Variants in FBXL17 observed in about 807,000 individuals in gnomAD.
The protein encoded by FBXL17 is F-box/LRR-repeat protein 17.
In FBXL17, 22 loss-of-function variants were observed where a neutral mutation model predicts 66.2. The ratio of observed to expected loss-of-function variants is 0.33; its 90% confidence interval spans 0.24 to 0.47. The LOEUF is 0.47. FBXL17 is among the 20% of genes least tolerant of loss of function. The pLI, the probability that FBXL17 is intolerant of heterozygous loss-of-function variation, is 1.00. For synonymous variants in FBXL17, 474 were observed against 400.5 expected (o/e 1.18, Z -2.19); for missense variants, 878 against 948.2 (o/e 0.93, Z 0.97).
chr5:107,943,712 T>C (rs1751192867), intron 7 of FBXL17, among the ~76,000 whole-genome samples: 1 of 152,132 alleles, frequency 6.6e-6, no homozygotes, highest in Non-Finnish European at 1.5e-5. Context: ...GCCCACTCCT[T>C]TATGTATTAT....
At chr5:108,183,720 G>A (rs188104224) in intron 6 of FBXL17, among the ~76,000 whole-genome samples, 83 of 152,022 alleles carry the variant, frequency 5.5e-4, no homozygotes, top group Non-Finnish European at 1.2e-4. Flanking sequence ...CGCCCCCTCC[G>A]AGCCTCCTCA....
intron 8 of FBXL17, chr5:107,880,344 G>T: frequency 1.0e-6 from 1 of 981,470 alleles, no homozygotes; most frequent in Non-Finnish European, 1.2e-6. Context: ...CTCCCAATGT[G>T]CTGGGATTAC....
chr5:108,195,634 A>G (rs1029274031), intron 5 of FBXL17, among the ~76,000 whole-genome samples: 2 of 152,190 alleles, frequency 1.3e-5, no homozygotes, highest in African/African-American at 4.8e-5. Flanking sequence ...TGATCACCCA[A>G]GCTTCTGTGT....
chr5:108,381,354 G>C lies in FBXL17; in HGVS notation c.338C>G (p.Ala113Gly). The C allele has an allele frequency of 7.4e-7, 1 of 1,359,954 alleles. No individual in the cohort carries two copies. The highest frequency in any genetic ancestry group is 9.4e-7 in the Non-Finnish European group (1 of 1,064,192). 84.2% of individuals were successfully genotyped at this position (1,359,954 alleles called of 1,614,324 possible). Residue 113 changes from alanine (A) to glycine (G), a missense_variant, in exon 1 of 9, where the codon GCC (alanine) becomes GGC (glycine). Transcript: ENST00000542267. The part of the protein sequence containing the change: ...RYAALAAEDC[A>G]AAARRFLLSS... Reference sequence around the variant, plus strand: ...TAGCAGGAAGCGGCGGGCAGCAGCGGCGCAGTCCTCGGCGGCCAGGGCCGC... The same window carrying C: ...TAGCAGGAAGCGGCGGGCAGCAGCGCCGCAGTCCTCGGCGGCCAGGGCCGC...
chr5:108,310,607 C>G (rs1186660499), intron 4 of FBXL17, among the ~76,000 whole-genome samples: 1 of 152,064 alleles, frequency 6.6e-6, no homozygotes, highest in Admixed American at 6.6e-5. Flanking sequence ...TATTTTCAAT[C>G]AGAACTTTGA....
chr5:108,273,805 T>TA (rs1757374385), intron 4 of FBXL17, among the ~76,000 whole-genome samples: 1 of 152,032 alleles, frequency 6.6e-6, no homozygotes, highest in African/African-American at 2.4e-5. Context: ...ATGAATTAAA[T>TA]AGACACATAG....
intron 7 of FBXL17, among the ~76,000 whole-genome samples, chr5:107,909,778 T>C (rs556605346): frequency 1.1e-4 from 16 of 152,204 alleles, no homozygotes; most frequent in African/African-American, 3.9e-4. Flanking sequence ...AGCACAAAGA[T>C]TGAGCCAGGC....
intron 1 of FBXL17, among the ~76,000 whole-genome samples, chr5:108,377,856 T>C (rs1749554087): frequency 6.6e-6 from 1 of 152,218 alleles, no homozygotes; most frequent in African/African-American, 2.4e-5. Context: ...AAGGGCTAAT[T>C]TGTCAGTTAA....
chr5:108,374,574 G>C (rs1248407915), intron 1 of FBXL17, among the ~76,000 whole-genome samples: 1 of 152,134 alleles, frequency 6.6e-6, no homozygotes, highest in Non-Finnish European at 1.5e-5. Context: ...TACTAGAGAG[G>C]CTGAGGTGGG....
At chr5:108,297,587 T>C (rs1330437489) in intron 4 of FBXL17, 1 of 153,534 alleles carries the variant, frequency 6.5e-6, no homozygotes, top group African/African-American at 2.4e-5. Flanking sequence ...CAGAGGGAAA[T>C]AATTTTGGAT....
intron 4 of FBXL17, among the ~76,000 whole-genome samples, chr5:108,344,181 CG>C (rs398050646): frequency 6.6e-6 from 1 of 151,620 alleles, no homozygotes; most frequent in Non-Finnish European, 1.5e-5. Context: ...CCTAGGGGGT[CG>C]GGGGGGAAAG....
In FBXL17 at chr5:108,009,259, T is replaced by TAATATATATATATATATA. The variant is rs1491338610; in HGVS notation, c.1822+11665_1822+11666insTATATATATATATATATT. Among the ~76,000 whole-genome samples the TAATATATATATATATATA allele has an allele frequency of 3.0e-4, 3 of 10,086 alleles. 1 individual carries two copies. Among genetic ancestry groups the TAATATATATATATATATA allele is most frequent in the Admixed American group, 2.1e-3 (1 of 486 alleles). 6.6% of individuals were successfully genotyped at this position (10,086 alleles called of 152,430 possible). A position where few individuals can be genotyped will look rare whatever the true frequency, so the allele number is the denominator to read the frequency against. On this transcript the variant is annotated intron_variant, in intron 7 of 8. Coordinates refer to ENST00000542267, the MANE Select transcript of FBXL17 (RefSeq NM_001163315.3). Reference sequence around the variant, plus strand: ...CAGCTTGGTCGTGAGTTGTTCCCTGTTTTATATATATATATATATATATAT... The same window carrying TAATATATATATATATATA: ...CAGCTTGGTCGTGAGTTGTTCCCTGTAATATATATATATATATATTTATATATATATATATATATATAT...
chr5:108,201,158 T>C (rs941406497), intron 5 of FBXL17, among the ~76,000 whole-genome samples: 1 of 152,200 alleles, frequency 6.6e-6, no homozygotes, highest in African/African-American at 2.4e-5. Context: ...ACATAATTTA[T>C]CTTGCTTTCA....
intron 7 of FBXL17, among the ~76,000 whole-genome samples, chr5:107,973,492 C>T (rs567534110): frequency 2.4e-4 from 36 of 151,736 alleles, no homozygotes; most frequent in African/African-American, 8.5e-4. Context: ...TTAGAGTGTG[C>T]ACCACTCTGC....
chr5:108,247,941 C>CT (rs1341623777), intron 4 of FBXL17, among the ~76,000 whole-genome samples: 3 of 152,142 alleles, frequency 2.0e-5, no homozygotes, highest in Non-Finnish European at 2.9e-5. Context: ...CATGAAGACT[C>CT]TGACTCTTTG....
chr5:108,366,448 G>A (rs192347439), intron 2 of FBXL17, among the ~76,000 whole-genome samples: 97 of 151,718 alleles, frequency 6.4e-4, no homozygotes, highest in Non-Finnish European at 1.0e-3. Flanking sequence ...AACTATCTTC[G>A]TTTATGCTTG....
chr5:108,154,606 A>AAAT (rs1412644290), intron 6 of FBXL17, among the ~76,000 whole-genome samples: 8,302 of 96,368 alleles, frequency 0.086, 1,110 homozygotes, highest in South Asian at 0.27. Flanking sequence ...AAAAAAAAAA[A>AAAT]ATATATATAT....
chr5:107,922,908 G>C (rs1369977528), intron 7 of FBXL17, among the ~76,000 whole-genome samples: 1 of 152,150 alleles, frequency 6.6e-6, no homozygotes, highest in Non-Finnish European at 1.5e-5. Flanking sequence ...TACTGTAGTG[G>C]GTCATAAAGC....
intron 7 of FBXL17, among the ~76,000 whole-genome samples, chr5:107,993,465 C>G (rs1206860967): frequency 6.6e-6 from 1 of 152,150 alleles, no homozygotes; most frequent in Non-Finnish European, 1.5e-5. Context: ...CTACTAAATA[C>G]ATATGATTTT....
Sources: allele counts gnomAD v4.1 joint callset (sites outside exome capture counted in the v4.1 genomes callset), GRCh38; gene constraint gnomAD v4.1.1; transcripts MANE v1.5; gene names NCBI Gene and HGNC (gene_info 2026-07-23, HGNC 2026-07-21).